The following CTNNA2 variants were observed in gnomAD, a reference collection of about 807,000 sequenced individuals.
CTNNA2 encodes catenin alpha-2.
CTNNA2 carries 42 observed loss-of-function variants against 101.0 expected under a neutral mutation model. The observed-to-expected ratio is 0.42, with a 90% CI of 0.32 to 0.54. CTNNA2 has a LOEUF of 0.54. Ranked by LOEUF, CTNNA2 falls within the 20% of genes least tolerant of loss-of-function variation. The pLI is 0.14. For missense variants in CTNNA2, 871 were observed against 1,223.1 expected (o/e 0.71, Z 4.29); for synonymous variants, 450 against 456.4 (o/e 0.99, Z 0.18).
At chr2:80,216,325 A>G (rs1162951880) in intron 7 of CTNNA2, among the ~76,000 whole-genome samples, 3 of 152,188 alleles carry the variant, frequency 2.0e-5, no homozygotes, top group Non-Finnish European at 4.4e-5. Context: ...GAAATGACCC[A>G]TCTTCTGCAT....
chr2:79,400,619 A>C (rs1678279901), intron 4 of CTNNA2, among the ~76,000 whole-genome samples: 1 of 152,002 alleles, frequency 6.6e-6, no homozygotes, highest in African/African-American at 2.4e-5. Context: ...AGAAAATATA[A>C]GAAAAATAAA....
chr2:80,143,427 T>G (rs2148914148), intron 7 of CTNNA2, among the ~76,000 whole-genome samples: 1 of 152,262 alleles, frequency 6.6e-6, no homozygotes, highest in South Asian at 2.1e-4. Context: ...TTCGTCAAAT[T>G]TTTTGTGAGA....
chr2:79,726,553 T>A (rs1188794705), intron 2 of CTNNA2, among the ~76,000 whole-genome samples: 1 of 152,128 alleles, frequency 6.6e-6, no homozygotes, highest in Non-Finnish European at 1.5e-5. Flanking sequence ...TGATCTGAGG[T>A]GGAGCAGTTT....
intron 5 of CTNNA2, among the ~76,000 whole-genome samples, chr2:79,507,261 G>T (rs1257938225): frequency 6.6e-6 from 1 of 152,210 alleles, no homozygotes; most frequent in Non-Finnish European, 1.5e-5. Context: ...TGAGGATACT[G>T]CGGTTTGAAT....
At chr2:80,056,880 T>G (rs1163126326) in intron 7 of CTNNA2, among the ~76,000 whole-genome samples, 1 of 152,178 alleles carries the variant, frequency 6.6e-6, no homozygotes, top group Non-Finnish European at 1.5e-5. Context: ...TTAATCTTCA[T>G]CATAAACTCA....
At chr2:80,056,769 G>C (rs1417250669) in intron 7 of CTNNA2, among the ~76,000 whole-genome samples, 1 of 152,162 alleles carries the variant, frequency 6.6e-6, no homozygotes, top group Non-Finnish European at 1.5e-5. Flanking sequence ...ACATGGAAAG[G>C]CAAGTGTCTC....
At chr2:79,251,729 C>T (rs1674772904) in intron 2 of CTNNA2, among the ~76,000 whole-genome samples, 1 of 152,028 alleles carries the variant, frequency 6.6e-6, no homozygotes, top group Non-Finnish European at 1.5e-5. Flanking sequence ...CTGGGTCCTC[C>T]CCAACTTGGG....
chr2:79,664,866 C>T (rs1682298199), intron 2 of CTNNA2, among the ~76,000 whole-genome samples: 1 of 151,896 alleles, frequency 6.6e-6, no homozygotes, highest in Non-Finnish European at 1.5e-5. Context: ...CGCCCGCCAA[C>T]ACGCCCGGCT....
chr2:80,516,245 C>T (rs7599093), intron 9 of CTNNA2, among the ~76,000 whole-genome samples: 54,213 of 152,010 alleles, frequency 0.36, 9,995 homozygotes, highest in South Asian at 0.4. Context: ...ATCTAAGCAA[C>T]ATTGGGTTTT....
intron 1 of CTNNA2, among the ~76,000 whole-genome samples, chr2:79,646,680 C>T (rs1680846328): frequency 6.6e-6 from 1 of 151,926 alleles, no homozygotes; most frequent in Admixed American, 6.6e-5. Context: ...CAATATTGTG[C>T]CACCATGCTC....
At chr2:80,352,285 A>G (rs1673372775) in intron 7 of CTNNA2, among the ~76,000 whole-genome samples, 1 of 152,182 alleles carries the variant, frequency 6.6e-6, no homozygotes, top group Non-Finnish European at 1.5e-5. Context: ...CTTCTAGTGA[A>G]TTAATGTCTT....
chr2:80,469,121 T>C (rs1685088675), intron 9 of CTNNA2, among the ~76,000 whole-genome samples: 1 of 152,082 alleles, frequency 6.6e-6, no homozygotes, highest in African/African-American at 2.4e-5. Context: ...GGCACAGAGT[T>C]TTGGTTTTCC....
In CTNNA2 at chr2:80,648,412, T is replaced by G. The variant is rs926368731; in HGVS notation, c.*540T>G. On this transcript the variant is annotated 3_prime_UTR_variant, in exon 19 of 19. Transcript: ENST00000402739. ...TGTCGATTTTTAACTGAGGGGAAAT[T>G]AACTAGTCCAGCCTAAAATGCTTCT... The G allele has an allele frequency of 2.0e-5, 3 of 152,634 alleles. No homozygotes were observed. The highest frequency in any genetic ancestry group is 4.4e-5 in the Non-Finnish European group (3 of 68,034). The allele number at this position is 152,634 out of a possible 1,614,324, so 9.5% of individuals were successfully genotyped here.
chr2:79,411,816 A>T (rs948236561), intron 4 of CTNNA2, among the ~76,000 whole-genome samples: 7 of 152,098 alleles, frequency 4.6e-5, no homozygotes, highest in Admixed American at 1.3e-4. Flanking sequence ...GACTATCAAG[A>T]CTAGGAAGAA....
At chr2:79,196,518 T>C (rs567349955) in intron 1 of CTNNA2, among the ~76,000 whole-genome samples, 147 of 152,356 alleles carry the variant, frequency 9.6e-4, no homozygotes, top group African/African-American at 3.3e-3. Flanking sequence ...ATATTTATTA[T>C]GTGTTCAATC....
intron 4 of CTNNA2, among the ~76,000 whole-genome samples, chr2:79,436,906 C>T (rs1292996593): frequency 6.6e-6 from 1 of 151,140 alleles, no homozygotes; most frequent in African/African-American, 2.4e-5. Context: ...GCTGGGATTA[C>T]AGGCGTGAGC....
In CTNNA2 at chr2:79,999,865, GACACTTTT is replaced by G. The variant is rs1326112156; in HGVS notation, c.1056+90070_1056+90077del. Among the ~76,000 whole-genome samples, 7 of 152,262 alleles carry G rather than the reference GACACTTTT, an allele frequency of 4.6e-5. No individual in the cohort carries two copies. In the East Asian group the frequency reaches 1.4e-3, roughly 29 times the overall value. ...TTCTATAAGCAGAGAAGAGCCACAG[GACACTTTT>G]AGTCACTTACTGACGTGTTCATGGT... On this transcript the variant is annotated intron_variant, in intron 7 of 18. Transcript: ENST00000402739.
chr2:79,666,253 T>C (rs1021833916), intron 2 of CTNNA2, among the ~76,000 whole-genome samples: 19 of 152,216 alleles, frequency 1.2e-4, no homozygotes, highest in Admixed American at 1.1e-3. Flanking sequence ...TGTAAAATCA[T>C]TAAACATTAT....
chr2:80,220,406 T>C (rs1708508588), intron 7 of CTNNA2, among the ~76,000 whole-genome samples: 1 of 152,202 alleles, frequency 6.6e-6, no homozygotes, highest in Non-Finnish European at 1.5e-5. Context: ...AATTTAACAG[T>C]AAGTTGCCTA....
Sources: gnomAD v4.1 joint callset for allele counts (sites outside exome capture counted in the v4.1 genomes callset) on GRCh38, gnomAD v4.1.1 for gene constraint, MANE v1.5 for transcripts, NCBI Gene and HGNC (gene_info 2026-07-23, HGNC 2026-07-21) for gene names.